Variants in COL22A1 observed in about 807,000 individuals in gnomAD.
COL22A1 encodes collagen type XXII alpha 1 chain, also known as collagen alpha-1(XXII) chain.
In COL22A1, 221 loss-of-function variants were observed where a neutral mutation model predicts 248.9. The observed-to-expected ratio is 0.89, with a 90% CI of 0.80 to 0.99. The LOEUF (loss-of-function observed/expected upper bound fraction) is 0.99, where lower values mean the gene tolerates loss of function less well. COL22A1 is among the 50% of genes least tolerant of loss of function. The pLI is 0.00. For missense variants in COL22A1, 2,240 were observed against 2,179.0 expected (o/e 1.03, Z -0.56); for synonymous variants, 891 against 793.4 (o/e 1.12, Z -2.07).
chr8:138,736,888 A>T (rs929688019), intron 23 of COL22A1, among the ~76,000 whole-genome samples: 2 of 152,118 alleles, frequency 1.3e-5, no homozygotes, highest in Non-Finnish European at 2.9e-5. Context: ...GACTTGGCCA[A>T]TGTCCCAGTG....
chr8:138,815,664 C>A (rs1473201119), intron 7 of COL22A1, among the ~76,000 whole-genome samples: 1 of 152,154 alleles, frequency 6.6e-6, no homozygotes, highest in Non-Finnish European at 1.5e-5. Flanking sequence ...TTAAACATCC[C>A]TAATAGAACA....
intron 22 of COL22A1, among the ~76,000 whole-genome samples, chr8:138,743,522 T>C (rs1831866991): frequency 6.6e-6 from 1 of 151,990 alleles, no homozygotes; most frequent in South Asian, 2.1e-4. Flanking sequence ...GATGCTAACA[T>C]TATTGGTGGC....
intron 4 of COL22A1, among the ~76,000 whole-genome samples, chr8:138,842,179 C>T (rs1305700278): frequency 2.6e-5 from 4 of 152,134 alleles, no homozygotes; most frequent in African/African-American, 9.7e-5. Flanking sequence ...CTCAGTTTTT[C>T]CAACTGTAAA....
rs558614743 is a variant in COL22A1, at chr8:138,857,115, G to T, written c.659-12957C>A. 3.3e-5 allele frequency among the ~76,000 whole-genome samples: 5 copies of T among 151,920 alleles called. No individual in the cohort carries two copies. The East Asian group carries it at 9.8e-4, about 30-fold the overall frequency. On this transcript the variant is annotated intron_variant, in intron 3 of 64. Transcript: ENST00000303045. ...CCTCTCCTCCAGGCTGGATCCGCCT[G>T]CACTCCTGCCTCTGCCCACGCCTGC...
At chr8:138,816,804 T>C (rs996142497) in intron 7 of COL22A1, among the ~76,000 whole-genome samples, 1 of 152,236 alleles carries the variant, frequency 6.6e-6, no homozygotes, top group Admixed American at 6.5e-5. Context: ...CTGATGCTTC[T>C]GGAAGATTTA....
chr8:138,657,788 C>T (rs1823416899), intron 44 of COL22A1, among the ~76,000 whole-genome samples: 2 of 152,112 alleles, frequency 1.3e-5, no homozygotes, highest in African/African-American at 2.4e-5. Context: ...TCCCCATTCT[C>T]GGTGCATCCT....
intron 6 of COL22A1, 150 bp from the exon 7 acceptor site, chr8:138,821,561 G>T: frequency 1.3e-6 from 1 of 766,146 alleles, no homozygotes; most frequent in Non-Finnish European, 2.2e-6. Flanking sequence ...ACCTGAGCTT[G>T]GACAAATTCC....
Position 138,613,868 on chromosome 8 carries a change from G to A in COL22A1, c.3977C>T (p.Pro1326Leu), listed in dbSNP as rs202129460. 74 of 1,613,522 alleles carry A rather than the reference G, an allele frequency of 4.6e-5. No homozygotes were observed. Among genetic ancestry groups the A allele is most frequent in the African/African-American group, 1.2e-4 (9 of 74,908 alleles). The change falls in exon 56 of 65, where the codon CCG (proline) becomes CTG (leucine). Residue 1326 changes from proline (P) to leucine (L), a missense_variant and splice_region_variant. Coordinates refer to ENST00000303045, the MANE Select transcript of COL22A1 (RefSeq NM_152888.3). ...PQGPQGPRGP[P>L]GKNGSPGSPG... The stretch of plus-strand genomic sequence containing the variant: ...CATTAGTCGCAAAGCAAAACTCACC[G>A]GTGGGCCCCTTGGTCCTTGGGGACC...
intron 60 of COL22A1, among the ~76,000 whole-genome samples, chr8:138,600,778 A>C (rs1817934752): frequency 6.6e-6 from 1 of 152,234 alleles, no homozygotes; most frequent in African/African-American, 2.4e-5. Flanking sequence ...CAATTTTCCA[A>C]GCGTGATGCA....
At chr8:138,616,887 G>A (rs750640389) in intron 54 of COL22A1, 27 bp downstream of exon 54, 11 of 1,613,740 alleles carry the variant, frequency 6.8e-6, no homozygotes, top group South Asian at 1.1e-5. Context: ...CACCTGGGGG[G>A]ACCTCCAAAG....
At chr8:138,665,233 GA>G (rs1034031105) in intron 41 of COL22A1, among the ~76,000 whole-genome samples, 21 of 152,352 alleles carry the variant, frequency 1.4e-4, no homozygotes, top group African/African-American at 5.1e-4. Flanking sequence ...ACCTGCCCTG[GA>G]GGGGAGCAGG....
chr8:138,775,908 C>T, intron 16 of COL22A1, 58 bp downstream of exon 16: 1 of 1,519,698 alleles, frequency 6.6e-7, no homozygotes, highest in South Asian at 1.1e-5. Flanking sequence ...TGGTTCCATG[C>T]ACCCTCTCCC....
At position 138,670,796 on chromosome 8, in the gene COL22A1, T is replaced by TA. The variant is rs559520624; in HGVS notation, c.3150+5761dup. Among the ~76,000 whole-genome samples, 360 of 151,150 alleles carry TA rather than the reference T, an allele frequency of 2.4e-3. 2 individuals carry two copies. Among genetic ancestry groups the TA allele is most frequent in the Non-Finnish European group, 3.8e-3 (258 of 67,710 alleles). Reference sequence around the variant, plus strand: ...GCAACAGGTCAAAACCTCATCTCTATAAAAAAACACAAAAATTAGCCAGGC... The same window carrying TA: ...GCAACAGGTCAAAACCTCATCTCTATAAAAAAAACACAAAAATTAGCCAGGC... On this transcript the variant is annotated intron_variant, in intron 41 of 64. Transcript: ENST00000303045.
At chr8:138,680,843 C>T (rs1008486343) in intron 39 of COL22A1, among the ~76,000 whole-genome samples, 2 of 152,244 alleles carry the variant, frequency 1.3e-5, no homozygotes, top group African/African-American at 4.8e-5. Context: ...AATATCAACA[C>T]TGGAATGGGT....
chr8:138,831,530 G>A (rs1820045588), intron 5 of COL22A1, among the ~76,000 whole-genome samples: 2 of 152,182 alleles, frequency 1.3e-5, no homozygotes, highest in Admixed American at 6.5e-5. Context: ...CCTGACTTTG[G>A]GGATTCAAGG....
Position 138,860,726 on chromosome 8 carries a change from T to C in COL22A1, c.659-16568A>G, listed in dbSNP as rs181141928. Among the ~76,000 whole-genome samples, 16 of 152,232 alleles carry C rather than the reference T, an allele frequency of 1.1e-4. 1 individual carries two copies. The highest frequency in any genetic ancestry group is 3.3e-4 in the Admixed American group (5 of 15,294). On this transcript the variant is annotated intron_variant, in intron 3 of 64. Transcript: ENST00000303045. ...GGGAGGCTGAGGTGGGAGGATTACC[T>C]GAGCCCAGGAGGTCAAAGCTGCAGT...
intron 11 of COL22A1, among the ~76,000 whole-genome samples, chr8:138,799,992 T>C (rs575993262): frequency 2.6e-5 from 4 of 152,258 alleles, no homozygotes; most frequent in African/African-American, 7.2e-5. Context: ...CTTACACTTA[T>C]ACTTCTCCAC....
chr8:138,639,241 C>G (rs1325968131), intron 47 of COL22A1, among the ~76,000 whole-genome samples: 2 of 152,198 alleles, frequency 1.3e-5, no homozygotes, highest in Admixed American at 1.3e-4. Context: ...GCTCACACAG[C>G]TTATAGAAAG....
chr8:138,594,611 T>A (rs1293117962), intron 62 of COL22A1, among the ~76,000 whole-genome samples: 1 of 152,156 alleles, frequency 6.6e-6, no homozygotes, highest in South Asian at 2.1e-4. Context: ...AACCGCACCC[T>A]ACCCCACTGG....
Sources: allele counts gnomAD v4.1 joint callset (sites outside exome capture counted in the v4.1 genomes callset), GRCh38; gene constraint gnomAD v4.1.1; transcripts MANE v1.5; gene names NCBI Gene and HGNC (gene_info 2026-07-23, HGNC 2026-07-21).